PALLD: variants seen among roughly 807,000 people sequenced by gnomAD.
PALLD encodes palladin, cytoskeletal associated protein, also known as palladin.
PALLD carries 61 observed loss-of-function variants against 123.5 expected under a neutral mutation model. The ratio of observed to expected loss-of-function variants is 0.49; its 90% CI spans 0.40 to 0.61. The LOEUF (loss-of-function observed/expected upper bound fraction) is 0.61. PALLD is among the 20% of genes least tolerant of loss of function. The pLI is 0.00. For synonymous variants in PALLD, 465 were observed against 496.4 expected (o/e 0.94, Z 0.84); for missense variants, 1,273 against 1,377.0 (o/e 0.92, Z 1.20).
At chr4:168,644,573 G>A (rs942450045) in intron 2 of PALLD, among the ~76,000 whole-genome samples, 2 of 152,112 alleles carry the variant, frequency 1.3e-5, no homozygotes, top group Non-Finnish European at 2.9e-5. Context: ...AGGGTTGACC[G>A]ACTTTCTGTT....
At chr4:168,765,276 A>C (rs1186131631) in intron 10 of PALLD, among the ~76,000 whole-genome samples, 3 of 152,222 alleles carry the variant, frequency 2.0e-5, no homozygotes, top group African/African-American at 7.2e-5. Context: ...GGAGAAGGAA[A>C]AACAGAGTAG....
chr4:168,822,534 T>C (rs954008549), intron 10 of PALLD, among the ~76,000 whole-genome samples: 2 of 152,228 alleles, frequency 1.3e-5, no homozygotes, highest in South Asian at 2.1e-4. Flanking sequence ...TTCAACCTGA[T>C]ACTAACTCAT....
intron 10 of PALLD, among the ~76,000 whole-genome samples, chr4:168,786,252 C>T (rs1017415983): frequency 5.3e-5 from 8 of 152,036 alleles, no homozygotes; most frequent in South Asian, 2.1e-4. Flanking sequence ...CGCTTGAACC[C>T]GGGAGGTAGA....
intron 10 of PALLD, among the ~76,000 whole-genome samples, chr4:168,861,837 G>C (rs1749519849): frequency 6.6e-6 from 1 of 151,600 alleles, no homozygotes; most frequent in Non-Finnish European, 1.5e-5. Flanking sequence ...TTAGTTTTCT[G>C]TAGAGACAGG....
intron 10 of PALLD, among the ~76,000 whole-genome samples, chr4:168,886,727 TAAGTA>T (rs1753386246): frequency 1.3e-5 from 2 of 152,356 alleles, no homozygotes; most frequent in South Asian, 4.1e-4. Context: ...TTAAATTCTG[TAAGTA>T]AAGAGGAAAA....
intron 10 of PALLD, among the ~76,000 whole-genome samples, chr4:168,735,356 G>T (rs2150324256): frequency 6.6e-6 from 1 of 152,278 alleles, no homozygotes; most frequent in Admixed American, 6.5e-5. Flanking sequence ...GCCTGCCAAG[G>T]AGAAGGAAAG....
At chr4:168,658,851 G>A (rs932340427) in intron 2 of PALLD, among the ~76,000 whole-genome samples, 1 of 152,140 alleles carries the variant, frequency 6.6e-6, no homozygotes, top group Admixed American at 6.5e-5. Context: ...ATTTCAAAAA[G>A]CCAATCTATT....
intron 2 of PALLD, chr4:168,648,592 T>C (rs1442984961): frequency 6.6e-6 from 1 of 152,190 alleles, no homozygotes; most frequent in Non-Finnish European, 1.5e-5. Context: ...TATTAGAGAA[T>C]CTCTTGGCAT....
intron 10 of PALLD, among the ~76,000 whole-genome samples, chr4:168,758,384 C>A (rs1473867627): frequency 6.6e-6 from 1 of 152,194 alleles, no homozygotes; most frequent in East Asian, 1.9e-4. Context: ...TGTCCTCTTT[C>A]TCCTGTCTTC....
chr4:168,874,277 G>C (rs1362843401), intron 10 of PALLD, among the ~76,000 whole-genome samples: 1 of 152,134 alleles, frequency 6.6e-6, no homozygotes, highest in Non-Finnish European at 1.5e-5. Flanking sequence ...TGTTTTTAGT[G>C]TGGTTAACTT....
intron 10 of PALLD, among the ~76,000 whole-genome samples, chr4:168,770,479 C>A (rs181713641): frequency 6.6e-6 from 1 of 152,152 alleles, no homozygotes; most frequent in Non-Finnish European, 1.5e-5. Context: ...CAAGTGCTGG[C>A]GATCTTCAGG....
chr4:168,798,219 A>G (rs1738800730), intron 10 of PALLD, among the ~76,000 whole-genome samples: 1 of 152,096 alleles, frequency 6.6e-6, no homozygotes. Context: ...CCTTTTTCTT[A>G]TCTAAAAGGC....
At chr4:168,556,241 G>A (rs951660703) in intron 2 of PALLD, among the ~76,000 whole-genome samples, 3 of 152,002 alleles carry the variant, frequency 2.0e-5, no homozygotes, top group Non-Finnish European at 4.4e-5. Context: ...GACTACAGGT[G>A]CCCACCACCA....
chr4:168,830,231 CA>C (rs1156711141), intron 10 of PALLD, among the ~76,000 whole-genome samples: 2,602 of 73,218 alleles, frequency 0.036, 18 homozygotes, highest in Middle Eastern at 0.066. Flanking sequence ...GACTTTGTCT[CA>C]AAAAAAAAAA....
chr4:168,528,347 T>A (rs557368093), intron 2 of PALLD, among the ~76,000 whole-genome samples: 1 of 152,366 alleles, frequency 6.6e-6, no homozygotes, highest in South Asian at 2.1e-4. Flanking sequence ...TTAAGTAAAC[T>A]TCAACTCCAA....
chr4:168,637,557 C>T (rs1776470344), intron 2 of PALLD, among the ~76,000 whole-genome samples: 1 of 151,262 alleles, frequency 6.6e-6, no homozygotes, highest in South Asian at 2.1e-4. Flanking sequence ...CACAACTCTA[C>T]AACTTACAGA....
chr4:168,740,999 A>T (rs925259989), intron 10 of PALLD, among the ~76,000 whole-genome samples: 1 of 152,360 alleles, frequency 6.6e-6, no homozygotes, highest in East Asian at 1.9e-4. Context: ...TCAAAATAGT[A>T]TCTTGAAGGA....
At chr4:168,658,931 G>A (rs1019896503) in intron 2 of PALLD, among the ~76,000 whole-genome samples, 6 of 152,108 alleles carry the variant, frequency 3.9e-5, no homozygotes, top group Non-Finnish European at 7.3e-5. Flanking sequence ...ATTGGCCTTC[G>A]AGCTAAGCAG....
At chr4:168,715,148 C>T (rs1284515323) in intron 10 of PALLD, among the ~76,000 whole-genome samples, 1 of 152,064 alleles carries the variant, frequency 6.6e-6, no homozygotes. Context: ...TCTGTGGTAC[C>T]TCTCATAAAG....
Sources: allele counts gnomAD v4.1 joint callset (sites outside exome capture counted in the v4.1 genomes callset), GRCh38; gene constraint gnomAD v4.1.1; transcripts MANE v1.5; gene names NCBI Gene and HGNC (gene_info 2026-07-23, HGNC 2026-07-21).